Variants in PID1 observed in about 807,000 individuals in gnomAD.
PID1 encodes the protein PTB-containing, cubilin and LRP1-interacting protein.
In PID1, 10 loss-of-function variants were observed where a neutral mutation model predicts 19.1. The ratio of observed to expected loss-of-function variants is 0.52; its 90% CI spans 0.32 to 0.89. PID1 has a LOEUF of 0.89. PID1 is among the 40% of genes least tolerant of loss of function. PID1 has a pLI of 0.03. For synonymous variants in PID1, 130 were observed against 116.0 expected (o/e 1.12, Z -0.78); for missense variants, 248 against 285.3 (o/e 0.87, Z 0.94).
intron 2 of PID1, among the ~76,000 whole-genome samples, chr2:229,060,510 C>T (rs935955744): frequency 6.6e-6 from 1 of 152,112 alleles, no homozygotes; most frequent in African/African-American, 2.4e-5. Flanking sequence ...TCTCTTTATC[C>T]ATTCATCTGA....
At chr2:229,046,607 A>G (rs986863793) in intron 2 of PID1, among the ~76,000 whole-genome samples, 1 of 152,060 alleles carries the variant, frequency 6.6e-6, no homozygotes, top group African/African-American at 2.4e-5. Flanking sequence ...TAAGCCCTAG[A>G]TAATGAAAAA....
At chr2:229,214,148 A>C (rs920829666) in intron 1 of PID1, among the ~76,000 whole-genome samples, 3 of 152,192 alleles carry the variant, frequency 2.0e-5, no homozygotes, top group African/African-American at 7.2e-5. Flanking sequence ...ATAACTTTTC[A>C]TTCATACCAT....
chr2:229,127,690 C>A (rs996343140), intron 2 of PID1, among the ~76,000 whole-genome samples: 1 of 152,296 alleles, frequency 6.6e-6, no homozygotes, highest in African/African-American at 2.4e-5. Flanking sequence ...GCCATTAATA[C>A]TTCCCCAGTT....
intron 2 of PID1, among the ~76,000 whole-genome samples, chr2:229,134,099 C>A (rs1451109051): frequency 6.6e-6 from 1 of 152,098 alleles, no homozygotes; most frequent in African/African-American, 2.4e-5. Context: ...TGCGTGGGGA[C>A]AAAATCATCC....
intron 1 of PID1, among the ~76,000 whole-genome samples, chr2:229,190,802 G>T (rs1386697818): frequency 6.6e-6 from 1 of 151,842 alleles, no homozygotes; most frequent in Non-Finnish European, 1.5e-5. Context: ...TTGTGGGCTG[G>T]GTTATTTACA....
chr2:229,174,382 G>A lies in PID1; in HGVS notation c.31-18418C>T, dbSNP rs73998585. 3.3e-3 allele frequency among the ~76,000 whole-genome samples: 509 copies of A among 152,296 alleles called. 3 individuals are homozygous for A. Among genetic ancestry groups the A allele is most frequent in the African/African-American group, 0.012 (492 of 41,568 alleles). On this transcript the variant is annotated intron_variant, in intron 1 of 2. Coordinates refer to ENST00000392055, the MANE Select transcript of PID1 (RefSeq NM_001100818.2). ...CGGTCAGGTAATGTAGAAAGAGAAA[G>A]AAGCATTATACAACCAACATAAATA...
chr2:229,223,584 A>T (rs1692016840), intron 1 of PID1, among the ~76,000 whole-genome samples: 1 of 152,236 alleles, frequency 6.6e-6, no homozygotes, highest in Non-Finnish European at 1.5e-5. Context: ...AACAGTCAGG[A>T]TGGAAATTAT....
chr2:229,254,200 C>T (rs936246219), intron 1 of PID1, among the ~76,000 whole-genome samples: 7 of 152,100 alleles, frequency 4.6e-5, no homozygotes, highest in Admixed American at 4.6e-4. Flanking sequence ...AGTCTCCCTA[C>T]TGAAGAGGGA....
intron 2 of PID1, among the ~76,000 whole-genome samples, chr2:229,149,711 G>A (rs375370296): frequency 7.9e-5 from 12 of 152,304 alleles, no homozygotes; most frequent in South Asian, 4.1e-4. Flanking sequence ...GAAGATGACC[G>A]TAGCGGCTTT....
chr2:229,213,272 G>A (rs568512730), intron 1 of PID1, among the ~76,000 whole-genome samples: 1 of 152,196 alleles, frequency 6.6e-6, no homozygotes, highest in East Asian at 1.9e-4. Flanking sequence ...AGCACACAGA[G>A]GACAGCCCAC....
At chr2:229,251,582 C>T (rs745448347) in intron 1 of PID1, among the ~76,000 whole-genome samples, 1 of 152,042 alleles carries the variant, frequency 6.6e-6, no homozygotes, top group Non-Finnish European at 1.5e-5. Context: ...CTTATGAAAT[C>T]GTTATGCTAC....
At position 229,214,235 on chromosome 2, in the gene PID1, A is replaced by T. The variant is rs76241012; in HGVS notation, c.30+56779T>A. Among the ~76,000 whole-genome samples, 500 of 151,970 alleles carry T rather than the reference A, an allele frequency of 3.3e-3. 3 individuals carry two copies. The highest frequency in any genetic ancestry group is 5.8e-3 in the Non-Finnish European group (395 of 67,968). On this transcript the variant is annotated intron_variant, in intron 1 of 2. Coordinates refer to ENST00000392055, the MANE Select transcript of PID1 (RefSeq NM_001100818.2). ...AGAAAGTAGCTTGCCCAACAGCATA[A>T]CTCTAGCAAGTGGTAGAGCAAAGAT...
rs767140957 is a variant in PID1, at chr2:229,154,846, TTTTC to T, written c.177+968_177+971del. Among the ~76,000 whole-genome samples, 15 of 152,220 alleles carry T rather than the reference TTTTC, an allele frequency of 9.9e-5. No homozygotes were observed. The South Asian group carries it at 1.0e-3, about 11-fold the overall frequency. ...GATGATAAAACATCCATAAAACATA[TTTTC>T]TTTGTGATCTCTAAATTGATTACTA... On this transcript the variant is annotated intron_variant, in intron 2 of 2. Coordinates refer to ENST00000392055, the MANE Select transcript of PID1 (RefSeq NM_001100818.2).
chr2:229,159,239 T>A lies in PID1; in HGVS notation c.31-3275A>T, dbSNP rs563487677. Among the ~76,000 whole-genome samples the A allele has an allele frequency of 3.3e-5, 5 of 152,268 alleles. No homozygotes were observed. The South Asian group carries it at 8.3e-4, about 25-fold the overall frequency. ...TTTTGGAATTTGTGGCAAGACAAAG[T>A]GTCTTTTCCACAAGTCCACTAGGAC... On this transcript the variant is annotated intron_variant, in intron 1 of 2. Coordinates refer to ENST00000392055, the MANE Select transcript of PID1 (RefSeq NM_001100818.2).
At chr2:229,136,836 A>T (rs967696056) in intron 2 of PID1, among the ~76,000 whole-genome samples, 2 of 152,280 alleles carry the variant, frequency 1.3e-5, no homozygotes. Context: ...GTAATGGACA[A>T]CAGCACTGAT....
At chr2:229,069,703 A>T (rs1448535954) in intron 2 of PID1, among the ~76,000 whole-genome samples, 3 of 152,228 alleles carry the variant, frequency 2.0e-5, no homozygotes, top group African/African-American at 7.2e-5. Context: ...TTGGGCGTCA[A>T]TACCTGAATG....
At chr2:229,203,567 T>C (rs953220313) in intron 1 of PID1, among the ~76,000 whole-genome samples, 1 of 152,128 alleles carries the variant, frequency 6.6e-6, no homozygotes, top group Admixed American at 6.6e-5. Flanking sequence ...ATAAATGATA[T>C]AATTTCATAT....
chr2:229,231,015 G>A (rs935229130), intron 1 of PID1, among the ~76,000 whole-genome samples: 2 of 151,706 alleles, frequency 1.3e-5, no homozygotes, highest in Admixed American at 1.3e-4. Flanking sequence ...TTTTTTAATG[G>A]CAAGGCATGT....
intron 2 of PID1, among the ~76,000 whole-genome samples, chr2:229,077,916 G>A (rs980718751): frequency 1.1e-4 from 16 of 152,114 alleles, no homozygotes; most frequent in African/African-American, 2.9e-4. Context: ...TTCTAATTCC[G>A]TGAAGAAAGT....
Sources: gnomAD v4.1 joint callset for allele counts (sites outside exome capture counted in the v4.1 genomes callset) on GRCh38, gnomAD v4.1.1 for gene constraint, MANE v1.5 for transcripts, NCBI Gene and HGNC (gene_info 2026-07-23, HGNC 2026-07-21) for gene names.